Variants in NCALD observed in about 807,000 individuals in gnomAD.
NCALD encodes the protein neurocalcin-delta.
Under a neutral mutation model 18.6 loss-of-function variants are expected in NCALD, and 10 were observed. The ratio of observed to expected loss-of-function variants is 0.54; its 90% CI spans 0.33 to 0.91. NCALD has a LOEUF of 0.91. Among genes scored for constraint, NCALD ranks in the 40% least tolerant of loss-of-function variants. The probability of loss-of-function intolerance (pLI) is 0.03; values close to 1 mark genes in which losing one functional copy is unlikely to be tolerated. For missense variants in NCALD, 184 were observed against 247.6 expected (o/e 0.74, Z 1.72); for synonymous variants, 88 against 87.4 (o/e 1.01, Z -0.04).
chr8:102,093,005 G>A (rs1329474315), intron 1 of NCALD, among the ~76,000 whole-genome samples: 19 of 152,002 alleles, frequency 1.2e-4, no homozygotes, highest in Admixed American at 9.2e-4. Flanking sequence ...CAGATATTTA[G>A]TAGGCACACA....
At chr8:101,800,837 AGGTGGGGAGG>A (rs2131074277) in intron 4 of NCALD, among the ~76,000 whole-genome samples, 1 of 104,804 alleles carries the variant, frequency 9.5e-6, no homozygotes, top group Admixed American at 1.0e-4. Flanking sequence ...AGGAGAGGAG[AGGTGGGGAGG>A]GGAGGGGAGG....
At chr8:101,774,741 C>T (rs1478698101) in intron 1 of NCALD, among the ~76,000 whole-genome samples, 2 of 152,188 alleles carry the variant, frequency 1.3e-5, no homozygotes, top group African/African-American at 2.4e-5. Context: ...ACTAGCTGGG[C>T]TCTCCGCTTC....
At chr8:101,786,914 A>G (rs558589430) in intron 1 of NCALD, among the ~76,000 whole-genome samples, 2 of 152,316 alleles carry the variant, frequency 1.3e-5, no homozygotes, top group Non-Finnish European at 2.9e-5. Flanking sequence ...AAAGGCACTT[A>G]TGAAAATACA....
chr8:101,996,874 T>A (rs1159741099), intron 2 of NCALD, among the ~76,000 whole-genome samples: 1 of 152,186 alleles, frequency 6.6e-6, no homozygotes, highest in Non-Finnish European at 1.5e-5. Context: ...TCAGTGCTAA[T>A]CCCCATTATC....
intron 2 of NCALD, among the ~76,000 whole-genome samples, chr8:101,955,369 A>C (rs1166011804): frequency 6.6e-6 from 1 of 152,228 alleles, no homozygotes; most frequent in African/African-American, 2.4e-5. Flanking sequence ...AAGTAGACTT[A>C]CTGGGCCTAT....
chr8:101,979,603 A>G (rs1465924723), intron 2 of NCALD, among the ~76,000 whole-genome samples: 5 of 152,232 alleles, frequency 3.3e-5, no homozygotes, highest in East Asian at 1.9e-4. Context: ...AACACAGAAG[A>G]AAAACAAGAA....
At position 101,845,135 on chromosome 8, in the gene NCALD, C is replaced by G. The variant is rs947989755; in HGVS notation, c.-20+42006G>C. Among the ~76,000 whole-genome samples, 4 of 152,206 alleles carry G rather than the reference C, an allele frequency of 2.6e-5. No homozygotes were observed. In the South Asian group the frequency reaches 8.3e-4, roughly 32 times the overall value. On this transcript the variant is annotated intron_variant, in intron 4 of 6. Coordinates refer to the NCALD transcript ENST00000311028. The stretch of plus-strand genomic sequence containing the variant: ...CAGGGGCAGTGCCACTCGAAGGAGT[C>G]AGTCTATGAACGATTTGTTTCTTGT...
At chr8:102,085,618 A>T (rs949349818) in intron 1 of NCALD, among the ~76,000 whole-genome samples, 1 of 152,038 alleles carries the variant, frequency 6.6e-6, no homozygotes, top group Non-Finnish European at 1.5e-5. Flanking sequence ...TTAGCTGGGC[A>T]TGGTGGCAGG....
intron 4 of NCALD, among the ~76,000 whole-genome samples, chr8:101,833,175 T>C (rs1046790850): frequency 6.6e-5 from 10 of 152,194 alleles, no homozygotes; most frequent in African/African-American, 2.4e-4. Flanking sequence ...CCAGTGAGTC[T>C]CAAATTTTAA....
intron 1 of NCALD, among the ~76,000 whole-genome samples, chr8:102,036,228 T>C (rs1359312508): frequency 6.6e-6 from 1 of 151,722 alleles, no homozygotes; most frequent in East Asian, 1.9e-4. Flanking sequence ...AGGAGGATCA[T>C]TGAGCCCAGG....
At chr8:101,883,317 G>C (rs1563855485) in intron 4 of NCALD, among the ~76,000 whole-genome samples, 1 of 152,166 alleles carries the variant, frequency 6.6e-6, no homozygotes, top group Non-Finnish European at 1.5e-5. Flanking sequence ...ACTCCAGCCT[G>C]GGCAACAGAG....
upstream of NCALD, among the ~76,000 whole-genome samples, chr8:101,791,225 A>G (rs938843223): frequency 6.6e-6 from 1 of 152,120 alleles, no homozygotes; most frequent in Non-Finnish European, 1.5e-5. Flanking sequence ...GAATGCCTAC[A>G]ACTTTCCTCT....
At chr8:101,758,542 T>A (rs892483019) in intron 1 of NCALD, among the ~76,000 whole-genome samples, 3 of 152,224 alleles carry the variant, frequency 2.0e-5, no homozygotes, top group African/African-American at 7.2e-5. Flanking sequence ...GTTCCTCCCA[T>A]GAATTATGGC....
intron 2 of NCALD, among the ~76,000 whole-genome samples, chr8:101,970,566 T>C (rs998396883): frequency 3.3e-5 from 5 of 152,196 alleles, no homozygotes; most frequent in African/African-American, 4.8e-5. Context: ...TATATTACTC[T>C]ACACAGTTGT....
At position 102,107,195 on chromosome 8, in the gene NCALD, CATATATATATATATATAT is replaced by C. The variant is rs67447416; in HGVS notation, c.-210+17024_-210+17041del. 2.6e-3 allele frequency among the ~76,000 whole-genome samples: 230 copies of C among 89,306 alleles called. 3 individuals are homozygous for C. The highest frequency in any genetic ancestry group is 7.6e-3 in the African/African-American group (176 of 23,030). The allele number at this position is 89,306 out of a possible 152,430, so 58.6% of individuals were successfully genotyped here. A position where few individuals can be genotyped will look rare whatever the true frequency, so the allele number is the denominator to read the frequency against. ...TATCTACAGCCTATATATGTGTGTACATATATATATATATATATATATATATATATATATATATATATA... is the reference window on the plus strand; with the variant it reads ...TATCTACAGCCTATATATGTGTGTACATATATATATATATATATATATATA... On this transcript the variant is annotated intron_variant, in intron 1 of 6. Coordinates refer to the NCALD transcript ENST00000311028.
chr8:102,118,252 A>G (rs1000073808), intron 1 of NCALD, among the ~76,000 whole-genome samples: 1 of 152,166 alleles, frequency 6.6e-6, no homozygotes, highest in Non-Finnish European at 1.5e-5. Flanking sequence ...ACTGAAAACC[A>G]CAGCTCCAGC....
intron 4 of NCALD, among the ~76,000 whole-genome samples, chr8:101,850,177 A>G (rs1205823341): frequency 1.3e-5 from 2 of 152,184 alleles, no homozygotes; most frequent in Non-Finnish European, 2.9e-5. Flanking sequence ...CCCGGGCATC[A>G]GTCCCTACCC....
At chr8:101,970,786 T>G (rs1453977553) in intron 2 of NCALD, among the ~76,000 whole-genome samples, 1 of 152,186 alleles carries the variant, frequency 6.6e-6, no homozygotes, top group Admixed American at 6.5e-5. Context: ...ATCTTTCCCT[T>G]GAGGTGTCCT....
chr8:101,892,706 C>G (rs1816959380), intron 3 of NCALD, among the ~76,000 whole-genome samples: 2 of 150,168 alleles, frequency 1.3e-5, no homozygotes, highest in Non-Finnish European at 2.9e-5. Flanking sequence ...TCGAGAACTA[C>G]GTGAAGAATG....
Sources: gnomAD v4.1 joint callset for allele counts (sites outside exome capture counted in the v4.1 genomes callset) on GRCh38, gnomAD v4.1.1 for gene constraint, MANE v1.5 for transcripts, NCBI Gene and HGNC (gene_info 2026-07-23, HGNC 2026-07-21) for gene names.